Variants in PLEKHA6 observed in about 807,000 individuals in gnomAD.
PLEKHA6 encodes the protein pleckstrin homology domain-containing family A member 6.
A neutral mutation model predicts 116.7 loss-of-function variants in PLEKHA6; 60 were observed. That is an observed-to-expected ratio of 0.51 (90% confidence interval 0.42 to 0.64). The LOEUF (loss-of-function observed/expected upper bound fraction) is 0.64. Among genes scored for constraint, PLEKHA6 ranks in the 30% least tolerant of loss-of-function variants. PLEKHA6 has a pLI of 0.00. For synonymous variants in PLEKHA6, 489 were observed against 556.1 expected, an observed-to-expected ratio of 0.88 and a Z score of 1.70; for missense variants, 1,338 against 1,422.7, an observed-to-expected ratio of 0.94 and a Z score of 0.96.
intron 1 of PLEKHA6, among the ~76,000 whole-genome samples, chr1:204,316,871 C>T (rs1225827523): frequency 1.3e-5 from 2 of 152,172 alleles, no homozygotes; most frequent in East Asian, 1.9e-4. Context: ...TTTTACCAGG[C>T]GCAACTAGGG....
chr1:204,348,000 C>T (rs1052622113), intron 1 of PLEKHA6, among the ~76,000 whole-genome samples: 3 of 152,174 alleles, frequency 2.0e-5, no homozygotes, highest in Non-Finnish European at 2.9e-5. Flanking sequence ...CCTCTACTCA[C>T]CCAGCTGGAG....
rs184937427 is a variant in PLEKHA6, at chr1:204,232,518, C to G, written c.2410-1932G>C. Among the ~76,000 whole-genome samples the G allele has an allele frequency of 4.8e-4, 73 of 152,144 alleles. 1 individual carries two copies. In the East Asian group the frequency reaches 8.1e-3, roughly 17 times the overall value. ...GATAGAGTTATCTAGAATGGATACC[C>G]TTGAAATACAAAGGGGGTCTACAAA... On this transcript the variant is annotated intron_variant, in intron 17 of 22. Transcript: ENST00000272203.
chr1:204,316,273 A>C (rs1301720331), intron 1 of PLEKHA6, among the ~76,000 whole-genome samples: 3 of 152,154 alleles, frequency 2.0e-5, no homozygotes, highest in Non-Finnish European at 4.4e-5. Flanking sequence ...CAAGGGGAGG[A>C]GAGGCCCTGG....
At chr1:204,315,118 G>A (rs1359594314) in intron 1 of PLEKHA6, among the ~76,000 whole-genome samples, 1 of 152,208 alleles carries the variant, frequency 6.6e-6, no homozygotes, top group Non-Finnish European at 1.5e-5. Flanking sequence ...GAATGGTTTA[G>A]GTTAGATAGT....
At chr1:204,232,210 C>A (rs2102453130) in intron 17 of PLEKHA6, among the ~76,000 whole-genome samples, 1 of 152,218 alleles carries the variant, frequency 6.6e-6, no homozygotes, top group African/African-American at 2.4e-5. Flanking sequence ...GATTTCCAAG[C>A]AAAGTGTTGA....
intron 1 of PLEKHA6, among the ~76,000 whole-genome samples, chr1:204,291,784 G>C (rs146481580): frequency 2.6e-5 from 4 of 152,164 alleles, no homozygotes; most frequent in Non-Finnish European, 5.9e-5. Context: ...AGGGTGGAGG[G>C]AGGGATTACA....
chr1:204,327,628 A>C (rs1672288564), intron 1 of PLEKHA6, among the ~76,000 whole-genome samples: 1 of 152,220 alleles, frequency 6.6e-6, no homozygotes, highest in Non-Finnish European at 1.5e-5. Context: ...TCTGATCTGC[A>C]TGGGCAGATG....
intron 1 of PLEKHA6, among the ~76,000 whole-genome samples, chr1:204,278,500 G>A (rs1195664678): frequency 6.6e-6 from 1 of 152,196 alleles, no homozygotes; most frequent in African/African-American, 2.4e-5. Context: ...GACACTGAAA[G>A]GAAGGGGCTA....
chr1:204,363,299 T>C (rs1673594734), upstream of PLEKHA6, among the ~76,000 whole-genome samples: 1 of 152,306 alleles, frequency 6.6e-6, no homozygotes, highest in Admixed American at 6.5e-5. Context: ...GATCTCTGCC[T>C]CCCTGCAACC....
chr1:204,253,228 C>A (rs535317858), intron 9 of PLEKHA6, among the ~76,000 whole-genome samples: 1 of 152,080 alleles, frequency 6.6e-6, no homozygotes, highest in African/African-American at 2.4e-5. Context: ...TCTCCCAATA[C>A]ATCTGTGAGG....
At position 204,284,793 on chromosome 1, in the gene PLEKHA6, C is replaced by T. The variant is rs377547693; in HGVS notation, c.-94-9984G>A. 7.9e-5 allele frequency among the ~76,000 whole-genome samples: 12 copies of T among 152,306 alleles called. No individual in the cohort carries two copies. The East Asian group carries it at 1.5e-3, about 20-fold the overall frequency. ...CAGGAGTCTTGGTAACTGACCACTA[C>T]TGAGTCACTGTCCCTTTCTGGGTCT... is the stretch of plus-strand genomic sequence containing the variant. On this transcript the variant is annotated intron_variant, in intron 1 of 22. Transcript: ENST00000272203.
chr1:204,312,581 C>A (rs961163513), intron 1 of PLEKHA6, among the ~76,000 whole-genome samples: 1 of 152,176 alleles, frequency 6.6e-6, no homozygotes, highest in African/African-American at 2.4e-5. Context: ...CAACGTTCAC[C>A]TGGGTCCTGG....
At chr1:204,244,061 T>C (rs1464223883) in intron 15 of PLEKHA6, among the ~76,000 whole-genome samples, 1 of 152,034 alleles carries the variant, frequency 6.6e-6, no homozygotes, top group Non-Finnish European at 1.5e-5. Context: ...GACCTCGTGA[T>C]CCACCCACCT....
At chr1:204,333,731 A>G (rs1036685164) in intron 1 of PLEKHA6, among the ~76,000 whole-genome samples, 2 of 152,182 alleles carry the variant, frequency 1.3e-5, no homozygotes, top group Non-Finnish European at 2.9e-5. Flanking sequence ...CCTGCAGCCC[A>G]GGTCCTGCTC....
Position 204,277,439 on chromosome 1 carries a change from C to T in PLEKHA6, c.-94-2630G>A, listed in dbSNP as rs975349370. On this transcript the variant is annotated intron_variant, in intron 1 of 22. Transcript: ENST00000272203. The surrounding 1 kb of genome is among the most constrained non-coding windows in gnomAD (Gnocchi z 4.1). ...TCCCAGGTAGTCCGACCTCAGTGAGCTAAGGACGCAGAGTAGCTGGACGGG... is the reference window on the plus strand; with the variant it reads ...TCCCAGGTAGTCCGACCTCAGTGAGTTAAGGACGCAGAGTAGCTGGACGGG... Among the ~76,000 whole-genome samples the T allele has an allele frequency of 2.0e-5, 3 of 152,146 alleles. No individual in the cohort carries two copies. Among genetic ancestry groups the T allele is most frequent in the Non-Finnish European group, 2.9e-5 (2 of 67,998 alleles).
chr1:204,249,488 G>A (rs1046702364), intron 10 of PLEKHA6, among the ~76,000 whole-genome samples: 11 of 152,114 alleles, frequency 7.2e-5, no homozygotes, highest in African/African-American at 2.7e-4. Flanking sequence ...AGTGAGTTGG[G>A]TTAAGAGGGC....
intron 1 of PLEKHA6, chr1:204,280,361 C>T: frequency 1.0e-6 from 1 of 985,432 alleles, no homozygotes; most frequent in Non-Finnish European, 1.2e-6. Flanking sequence ...CACATGCACA[C>T]ACACTCCCAG....
chr1:204,256,892 G>A (rs1665377931), intron 9 of PLEKHA6: 1 of 638,426 alleles, frequency 1.6e-6, no homozygotes. Context: ...AATCATACTG[G>A]AAGAGAAAGG....
intron 17 of PLEKHA6, among the ~76,000 whole-genome samples, chr1:204,240,587 G>C (rs1385879449): frequency 6.6e-6 from 1 of 152,164 alleles, no homozygotes; most frequent in Non-Finnish European, 1.5e-5. Flanking sequence ...TTAACTTTAT[G>C]TAATAGTATT....
Sources: allele counts gnomAD v4.1 joint callset (sites outside exome capture counted in the v4.1 genomes callset), GRCh38; gene constraint gnomAD v4.1.1; non-coding constraint Gnocchi (gnomAD v3.1); transcripts MANE v1.5; gene names NCBI Gene and HGNC (gene_info 2026-07-23, HGNC 2026-07-21).